ZBTB7C: variants seen among roughly 807,000 people sequenced by gnomAD.
ZBTB7C encodes the protein zinc finger and BTB domain-containing protein 7C.
ZBTB7C carries 8 observed loss-of-function variants against 25.7 expected under a neutral mutation model. That is an observed-to-expected ratio of 0.31 (90% confidence interval 0.18 to 0.56). The LOEUF (loss-of-function observed/expected upper bound fraction) is 0.56, where lower values mean the gene tolerates loss of function less well. Ranked by LOEUF, ZBTB7C falls within the 20% of genes least tolerant of loss-of-function variation. The pLI is 0.91. For synonymous variants in ZBTB7C, 394 were observed against 369.0 expected, an observed-to-expected ratio of 1.07 and a Z score of -0.78; for missense variants, 824 against 855.2, an observed-to-expected ratio of 0.96 and a Z score of 0.46.
intron 4 of ZBTB7C, among the ~76,000 whole-genome samples, chr18:48,032,174 C>T (rs185222157): frequency 6.6e-6 from 1 of 151,740 alleles, no homozygotes; most frequent in East Asian, 2.0e-4. Flanking sequence ...AGTACAGTGG[C>T]ATGATCTCGG....
chr18:48,157,882 G>A (rs992591890), intron 3 of ZBTB7C, among the ~76,000 whole-genome samples: 5 of 152,166 alleles, frequency 3.3e-5, no homozygotes, highest in African/African-American at 9.7e-5. Context: ...AAAACACCAC[G>A]TGTGTGCCCC....
At chr18:48,163,989 G>A in intron 3 of ZBTB7C, among the ~76,000 whole-genome samples, 1 of 152,168 alleles carries the variant, frequency 6.6e-6, no homozygotes, top group East Asian at 1.9e-4. Context: ...AGCACTGCAG[G>A]CTCCACGAAG....
chr18:48,345,468 T>C (rs1018895928), intron 1 of ZBTB7C, among the ~76,000 whole-genome samples: 1 of 152,184 alleles, frequency 6.6e-6, no homozygotes, highest in Non-Finnish European at 1.5e-5. Context: ...TTGGGCATGT[T>C]CACCCGACTC....
In ZBTB7C at chr18:48,086,070, C is replaced by A. The variant is rs147297589; in HGVS notation, c.-16-44947G>T. On this transcript the variant is annotated intron_variant, in intron 3 of 4. Coordinates refer to ENST00000590800, the MANE Select transcript of ZBTB7C (RefSeq NM_001318841.2). Reference sequence around the variant, plus strand: ...ATCATGTCATTCTCTTGTTCAATCACCTTTGACAGGTCCCCACCTTCGTCA... The same window carrying A: ...ATCATGTCATTCTCTTGTTCAATCAACTTTGACAGGTCCCCACCTTCGTCA... Among the ~76,000 whole-genome samples the A allele has an allele frequency of 4.6e-3, 706 of 152,302 alleles. 8 individuals are homozygous for A. The highest frequency in any genetic ancestry group is 0.016 in the African/African-American group (676 of 41,564).
intron 1 of ZBTB7C, among the ~76,000 whole-genome samples, chr18:48,384,562 G>A (rs1200413300): frequency 6.6e-6 from 1 of 152,176 alleles, no homozygotes; most frequent in African/African-American, 2.4e-5. Flanking sequence ...CACAGCCTGT[G>A]GGCTACATGC....
At chr18:48,176,700 G>A (rs1167855616) in intron 3 of ZBTB7C, among the ~76,000 whole-genome samples, 1 of 152,070 alleles carries the variant, frequency 6.6e-6, no homozygotes, top group East Asian at 1.9e-4. Context: ...AGGTAAAACT[G>A]AGATATAAGA....
At chr18:48,170,431 T>G (rs2041432926) in intron 3 of ZBTB7C, among the ~76,000 whole-genome samples, 1 of 152,120 alleles carries the variant, frequency 6.6e-6, no homozygotes, top group Non-Finnish European at 1.5e-5. Context: ...GTCTCTGAGA[T>G]CCACCCACCT....
At chr18:48,061,297 T>C (rs1228813031) in intron 3 of ZBTB7C, among the ~76,000 whole-genome samples, 3 of 152,156 alleles carry the variant, frequency 2.0e-5, no homozygotes, top group Non-Finnish European at 4.4e-5. Flanking sequence ...CAGGAAAATA[T>C]TGCTTCCTTT....
chr18:48,276,373 A>G (rs987715013), intron 2 of ZBTB7C, among the ~76,000 whole-genome samples: 2 of 149,990 alleles, frequency 1.3e-5, no homozygotes, highest in Non-Finnish European at 3.0e-5. Flanking sequence ...ATATGTATAC[A>G]TATGCCATGC....
At chr18:48,155,595 A>G (rs2040818919) in intron 3 of ZBTB7C, among the ~76,000 whole-genome samples, 1 of 151,794 alleles carries the variant, frequency 6.6e-6, no homozygotes, top group Non-Finnish European at 1.5e-5. Context: ...TCAGCCTCCC[A>G]AAGTGCTGGG....
At chr18:48,199,429 A>C (rs77826937) in intron 2 of ZBTB7C, among the ~76,000 whole-genome samples, 1,683 of 152,210 alleles carry the variant, frequency 0.011, 25 homozygotes, top group African/African-American at 0.039. Flanking sequence ...CTGAATTTTA[A>C]ATTTCTGCTA....
intron 3 of ZBTB7C, among the ~76,000 whole-genome samples, chr18:48,116,727 C>T (rs2039454205): frequency 1.3e-5 from 2 of 152,146 alleles, no homozygotes; most frequent in African/African-American, 2.4e-5. Flanking sequence ...TGTCATTCCT[C>T]ATCTATTGCT....
chr18:48,234,396 T>C (rs2043326770), intron 2 of ZBTB7C, among the ~76,000 whole-genome samples: 1 of 152,094 alleles, frequency 6.6e-6, no homozygotes, highest in South Asian at 2.1e-4. Flanking sequence ...TGATGAAAAA[T>C]AGGTTTCTGT....
intron 2 of ZBTB7C, among the ~76,000 whole-genome samples, chr18:48,229,333 TGATG>T (rs1220341801): frequency 1.3e-5 from 2 of 152,316 alleles, no homozygotes; most frequent in African/African-American, 4.8e-5. Flanking sequence ...AGATTTACCT[TGATG>T]GATAGTTATA....
At chr18:48,119,462 C>T (rs567187917) in intron 3 of ZBTB7C, among the ~76,000 whole-genome samples, 1 of 152,376 alleles carries the variant, frequency 6.6e-6, no homozygotes, top group South Asian at 2.1e-4. Context: ...CCCCTGAAAC[C>T]ACCAGGCACC....
chr18:48,126,170 A>G (rs2039792721), intron 3 of ZBTB7C, among the ~76,000 whole-genome samples: 1 of 152,080 alleles, frequency 6.6e-6, no homozygotes, highest in African/African-American at 2.4e-5. Flanking sequence ...CATTATTATT[A>G]CCTGTTCTCA....
At chr18:48,367,172 G>A (rs2047241304) in intron 1 of ZBTB7C, among the ~76,000 whole-genome samples, 1 of 28,296 alleles carries the variant, frequency 3.5e-5, no homozygotes, top group Admixed American at 4.8e-4. Context: ...TTCTCCCCAA[G>A]TTTTATATAT....
intron 2 of ZBTB7C, among the ~76,000 whole-genome samples, chr18:48,269,000 G>C (rs1010677907): frequency 7.5e-6 from 1 of 133,714 alleles, no homozygotes; most frequent in East Asian, 2.1e-4. Context: ...TTGCTCTGCT[G>C]CCCAGGTTGG....
At chr18:48,107,056 C>A (rs1326528731) in intron 3 of ZBTB7C, among the ~76,000 whole-genome samples, 1 of 146,644 alleles carries the variant, frequency 6.8e-6, no homozygotes, top group Non-Finnish European at 1.5e-5. Flanking sequence ...GAGTTTACCA[C>A]AGGGATAGGA....
Sources: allele counts gnomAD v4.1 joint callset (sites outside exome capture counted in the v4.1 genomes callset), GRCh38; gene constraint gnomAD v4.1.1; transcripts MANE v1.5; gene names NCBI Gene and HGNC (gene_info 2026-07-23, HGNC 2026-07-21).